Variants in ACSL6 observed in about 807,000 individuals in gnomAD.
ACSL6 encodes the protein long-chain-fatty-acid--CoA ligase 6.
A neutral mutation model predicts 98.2 loss-of-function variants in ACSL6; 47 were observed. That is an observed-to-expected ratio of 0.48 (90% CI 0.38 to 0.61). The LOEUF (loss-of-function observed/expected upper bound fraction) is 0.61. Ranked by LOEUF, ACSL6 falls within the 20% of genes least tolerant of loss-of-function variation. The pLI, the probability that ACSL6 is intolerant of heterozygous loss-of-function variation, is 0.00. For synonymous variants in ACSL6, 362 were observed against 336.9 expected, an observed-to-expected ratio of 1.07 and a Z score of -0.82; for missense variants, 761 against 913.4, an observed-to-expected ratio of 0.83 and a Z score of 2.15.
At chr5:131,959,460 C>T (rs1176475912) in intron 20 of ACSL6, 76 bp downstream of exon 20, 1 of 1,482,936 alleles carries the variant, frequency 6.7e-7, no homozygotes, top group Non-Finnish European at 9.4e-7. Context: ...GAATCTAGGT[C>T]AGGGTCACCA....
chr5:131,973,000 T>C (rs536386227), intron 12 of ACSL6, 142 bp from the exon 13 acceptor site: 3 of 1,255,442 alleles, frequency 2.4e-6, no homozygotes, highest in African/African-American at 1.5e-5. Context: ...ATGTGTGACA[T>C]TGAGCTGAAG....
intron 9 of ACSL6, 94 bp downstream of exon 9, chr5:131,985,313 C>G: frequency 6.6e-7 from 1 of 1,504,024 alleles, no homozygotes; most frequent in South Asian, 1.2e-5. Context: ...CAGCCCATTT[C>G]AAACAGGGTA....
intron 1 of ACSL6, chr5:132,006,877 C>A (rs1393225045): frequency 6.6e-6 from 1 of 151,992 alleles, no homozygotes; most frequent in African/African-American, 2.4e-5. Flanking sequence ...TTTACACCTG[C>A]TTTTCCCTAC....
chr5:131,953,370 T>C lies in ACSL6; in HGVS notation c.*864A>G. 1 of 183,370 alleles carries C rather than the reference T, an allele frequency of 5.5e-6. No homozygotes were observed. The highest frequency in any genetic ancestry group is 1.2e-5 in the Non-Finnish European group (1 of 86,122). 11.4% of individuals were successfully genotyped at this position (183,370 alleles called of 1,614,324 possible). ...GGCTCATGCCTGTAATCCTAGCACT[T>C]AGGGAGGCCAAGGCGGGAGGATCCC... On this transcript the variant is annotated 3_prime_UTR_variant, in exon 21 of 21. Transcript: ENST00000651883.
chr5:131,973,130 A>G (rs777133939), intron 12 of ACSL6, 136 bp downstream of exon 12: 8 of 1,209,022 alleles, frequency 6.6e-6, no homozygotes, highest in Non-Finnish European at 6.9e-6. Flanking sequence ...AGAAAGAGTC[A>G]GGAACTACAA....
intron 20 of ACSL6, among the ~76,000 whole-genome samples, chr5:131,958,435 T>C (rs1157170764): frequency 6.6e-6 from 1 of 152,222 alleles, no homozygotes; most frequent in Non-Finnish European, 1.5e-5. Context: ...CTTTGTCTTT[T>C]AGAAAGATAA....
At position 131,951,590 on chromosome 5, in the gene ACSL6, T is replaced by C. The variant is rs114807509; in HGVS notation, c.*2644A>G. 0.014 allele frequency: 2,622 copies of C among 182,558 alleles called. 34 individuals are homozygous for C. Among genetic ancestry groups the C allele is most frequent in the African/African-American group, 0.033 (1,401 of 42,538 alleles). 11.3% of individuals were successfully genotyped at this position (182,558 alleles called of 1,614,324 possible). On this transcript the variant is annotated 3_prime_UTR_variant, in exon 21 of 21. Transcript: ENST00000651883. ...AAGAAACCTTGTTTTTGTTTTTTTT[T>C]TTTCTTTCTTTTTGAGACGGAGTCT... is the stretch of plus-strand genomic sequence containing the variant.
chr5:131,966,395 C>T (rs867550476), intron 17 of ACSL6, 21 bp downstream of exon 17: 10 of 1,612,408 alleles, frequency 6.2e-6, no homozygotes, highest in African/African-American at 4.0e-5. Flanking sequence ...TTTGGAGCTC[C>T]GTGGTTCCAA....
At position 131,975,383 on chromosome 5, in the gene ACSL6, C is replaced by G. The variant is rs901588847; in HGVS notation, c.991-413G>C. On this transcript the variant is annotated intron_variant, in intron 10 of 20. Coordinates refer to ENST00000651883, the MANE Select transcript of ACSL6 (RefSeq NM_001009185.3). ...AGCCCGGCTCTCTCCCCTTCCTCCC[C>G]ACACCTGCAGGACCTGCCCCACACC... 8 of 985,436 alleles carry G rather than the reference C, an allele frequency of 8.1e-6. No individual in the cohort carries two copies. The South Asian group carries it at 2.8e-4, about 35-fold the overall frequency. The allele number at this position is 985,436 out of a possible 1,614,324, so 61.0% of individuals were successfully genotyped here.
Position 131,985,476 on chromosome 5 carries a change from G to A in ACSL6, c.865-18C>T, listed in dbSNP as rs1561796917. ...TGCGGGGGCTGCAGGGGTGAGAAGAGGAGTGTGTTAGGGAGACCCAGTGTG... is the reference window on the plus strand; with the variant it reads ...TGCGGGGGCTGCAGGGGTGAGAAGAAGAGTGTGTTAGGGAGACCCAGTGTG... On this transcript the variant is annotated intron_variant, in intron 8 of 20. Transcript: ENST00000651883. The A allele has an allele frequency of 1.2e-6, 2 of 1,613,496 alleles. No homozygotes were observed. Among genetic ancestry groups the A allele is most frequent in the East Asian group, 4.5e-5 (2 of 44,870 alleles).
At chr5:131,985,196 T>G in intron 9 of ACSL6, 1 of 613,202 alleles carries the variant, frequency 1.6e-6, no homozygotes, top group Admixed American at 2.5e-5. Flanking sequence ...GCCCTCACAC[T>G]GGACCTCCCA....
chr5:131,993,999 T>C (rs374071489), intron 2 of ACSL6, 32 bp downstream of exon 2: 32 of 1,604,102 alleles, frequency 2.0e-5, no homozygotes, highest in Non-Finnish European at 2.4e-5. Context: ...GCCCCCTACT[T>C]TCCGCAGTGG....
At chr5:132,000,565 CAT>C (rs1755033259) in intron 1 of ACSL6, among the ~76,000 whole-genome samples, 2 of 152,200 alleles carry the variant, frequency 1.3e-5, no homozygotes, top group South Asian at 2.1e-4. Context: ...CCATGGCTAA[CAT>C]GTGGCTGAGC....
chr5:131,992,484 G>A lies in ACSL6; in HGVS notation c.271-1517C>T, dbSNP rs528202452. Among the ~76,000 whole-genome samples, 117 of 152,234 alleles carry A rather than the reference G, an allele frequency of 7.7e-4. 1 individual carries two copies. The highest frequency in any genetic ancestry group is 4.4e-5 in the Non-Finnish European group (3 of 68,006). ...CCACTCTGGCTTTCTGGGCTCCTGGGGGATGAGGCAAGGGAGGATGCAGTC... is the reference window on the plus strand; with the variant it reads ...CCACTCTGGCTTTCTGGGCTCCTGGAGGATGAGGCAAGGGAGGATGCAGTC... On this transcript the variant is annotated intron_variant, in intron 2 of 20. Transcript: ENST00000651883.
At chr5:131,999,038 C>T (rs866799933) in intron 1 of ACSL6, among the ~76,000 whole-genome samples, 9 of 152,174 alleles carry the variant, frequency 5.9e-5, no homozygotes, top group Non-Finnish European at 1.0e-4. Context: ...CAAGCCCAGC[C>T]ACCAAATCAT....
In ACSL6 at chr5:131,990,126, G is replaced by A. The variant is rs760623646; in HGVS notation, c.424C>T (p.Pro142Ser). Residue 142 changes from proline (P) to serine (S), a missense_variant, in exon 4 of 21, where the codon CCT becomes TCT. Physicochemically the swap from Pro to Ser is moderately conservative, Grantham distance 74. Coordinates refer to ENST00000651883, the MANE Select transcript of ACSL6 (RefSeq NM_001009185.3). The stretch of plus-strand genomic sequence containing the variant: ...TCCTGGTAGGACAGCCACTGGTAAG[G>A]CTGCTTAGGCTTCCTGAAACCAAGA... ...PCLGFRKPKQ[P>S]YQWLSYQEVA... The A allele has an allele frequency of 1.9e-6, 3 of 1,613,916 alleles. No individual in the cohort carries two copies. In the African/African-American group the frequency reaches 4.0e-5, roughly 22 times the overall value.
chr5:131,954,272 T>C lies in ACSL6; in HGVS notation c.2131A>G (p.Lys711Glu). ...GAGTAAAGCTCTTCTATTTGTTTTTTGAAGTACTCTCTCAGCTCAGGTCTC... is the reference window on the plus strand; with the variant it reads ...GAGTAAAGCTCTTCTATTTGTTTTTCGAAGTACTCTCTCAGCTCAGGTCTC... ...AKRPELREYF[K>E]KQIEELYSIS... Residue 711 changes from lysine to glutamate, a missense_variant, in exon 21 of 21, where the codon AAA becomes GAA. Lys to Glu is a moderately conservative substitution (Grantham distance 56). Coordinates refer to ENST00000651883, the MANE Select transcript of ACSL6 (RefSeq NM_001009185.3). The C allele has an allele frequency of 1.9e-6, 3 of 1,613,796 alleles. No individual in the cohort carries two copies. Among genetic ancestry groups the C allele is most frequent in the Non-Finnish European group, 2.5e-6 (3 of 1,179,924 alleles).
chr5:131,995,514 A>T (rs1265566814), intron 1 of ACSL6, among the ~76,000 whole-genome samples: 2 of 152,180 alleles, frequency 1.3e-5, no homozygotes, highest in East Asian at 3.9e-4. Flanking sequence ...CACCCTCCTC[A>T]CAGGCCCTAA....
chr5:131,958,901 G>A (rs1489119335), intron 20 of ACSL6, among the ~76,000 whole-genome samples: 1 of 151,930 alleles, frequency 6.6e-6, no homozygotes, highest in Non-Finnish European at 1.5e-5. Context: ...TTAAAAATCA[G>A]TATATTAATA....
Sources: allele counts gnomAD v4.1 joint callset (sites outside exome capture counted in the v4.1 genomes callset), GRCh38; gene constraint gnomAD v4.1.1; transcripts MANE v1.5; gene names NCBI Gene and HGNC (gene_info 2026-07-23, HGNC 2026-07-21).